Variants in MAPK10 observed in about 807,000 individuals in gnomAD.
The protein encoded by MAPK10 is mitogen-activated protein kinase 10.
In MAPK10, 25 loss-of-function variants were observed where a neutral mutation model predicts 59.3. That is an observed-to-expected ratio of 0.42 (90% CI 0.31 to 0.59). The LOEUF is 0.59. Ranked by LOEUF, MAPK10 falls within the 20% of genes least tolerant of loss-of-function variation. The pLI, the probability that MAPK10 is intolerant of heterozygous loss-of-function variation, is 0.15. For missense variants in MAPK10, 351 were observed against 568.9 expected (o/e 0.62, Z 3.90); for synonymous variants, 190 against 200.5 (o/e 0.95, Z 0.44).
intron 2 of MAPK10, among the ~76,000 whole-genome samples, chr4:86,349,373 T>A (rs1256532347): frequency 6.6e-6 from 1 of 152,200 alleles, no homozygotes; most frequent in Non-Finnish European, 1.5e-5. Context: ...TTTCTGTATA[T>A]CAATCTCTTT....
chr4:86,389,796 C>T (rs991810573), intron 1 of MAPK10, among the ~76,000 whole-genome samples: 6 of 152,062 alleles, frequency 3.9e-5, no homozygotes, highest in African/African-American at 1.2e-4. Context: ...TGTGGAGGTA[C>T]TGGGAGTTAG....
At chr4:86,537,311 C>T (rs554927577) in intron 1 of MAPK10, among the ~76,000 whole-genome samples, 9 of 152,236 alleles carry the variant, frequency 5.9e-5, no homozygotes, top group African/African-American at 2.2e-4. Flanking sequence ...GGCATCAGTG[C>T]AAATGCAGTG....
Position 86,496,753 on chromosome 4 carries a change from CAATT to C in MAPK10, c.-263+97153_-263+97156del, listed in dbSNP as rs1339255553. Among the ~76,000 whole-genome samples the C allele has an allele frequency of 7.9e-5, 12 of 152,250 alleles. No homozygotes were observed. In the East Asian group the frequency reaches 2.3e-3, roughly 29 times the overall value. On this transcript the variant is annotated intron_variant, in intron 1 of 4. Transcript: ENST00000502302. Reference sequence around the variant, plus strand: ...CCAACAAATTTCTATTTTCCGATGACAATTAATTTTTTCTGGTGAGTTAGAGGAG... The same window carrying C: ...CCAACAAATTTCTATTTTCCGATGACAATTTTTTCTGGTGAGTTAGAGGAG...
At chr4:86,285,263 G>T (rs2094957115) in intron 2 of MAPK10, among the ~76,000 whole-genome samples, 1 of 151,898 alleles carries the variant, frequency 6.6e-6, no homozygotes, top group Admixed American at 6.6e-5. Flanking sequence ...TGTTGCCCAG[G>T]CTGGAGTCCA....
chr4:86,049,875 G>A (rs909931942), intron 11 of MAPK10, among the ~76,000 whole-genome samples: 8 of 151,906 alleles, frequency 5.3e-5, no homozygotes, highest in Admixed American at 2.0e-4. Context: ...CCTAAAACAC[G>A]AATCCCATTG....
At chr4:86,088,040 A>T (rs1194548154) in intron 9 of MAPK10, among the ~76,000 whole-genome samples, 1 of 152,180 alleles carries the variant, frequency 6.6e-6, no homozygotes, top group Non-Finnish European at 1.5e-5. Flanking sequence ...CTTTAGTAGG[A>T]TGAAGACATA....
In MAPK10 at chr4:86,194,414, G is replaced by A. The variant is rs1420337539; in HGVS notation, c.-6-7C>T. On this transcript the variant is annotated splice_region_variant and splice_polypyrimidine_tract_variant and intron_variant, in intron 2 of 13. Transcript: ENST00000641462. Reference sequence around the variant, plus strand: ...AATGGAGGCTCATAAATACCTAGAGGAAAAAGAAATGGAGCATAAATTTTC... The same window carrying A: ...AATGGAGGCTCATAAATACCTAGAGAAAAAAGAAATGGAGCATAAATTTTC... 6.6e-7 allele frequency: 1 copy of A among 1,506,208 alleles called. No homozygotes were observed. Among genetic ancestry groups the A allele is most frequent in the African/African-American group, 1.4e-5 (1 of 72,710 alleles). The allele number at this position is 1,506,208 out of a possible 1,614,324, so 93.3% of individuals were successfully genotyped here.
At chr4:86,247,203 T>C (rs2093152157) in intron 2 of MAPK10, among the ~76,000 whole-genome samples, 1 of 152,226 alleles carries the variant, frequency 6.6e-6, no homozygotes, top group African/African-American at 2.4e-5. Flanking sequence ...CTGCTCTGTC[T>C]CTGTCTCTGT....
chr4:86,235,923 G>A (rs546974998), intron 2 of MAPK10, among the ~76,000 whole-genome samples: 4 of 152,140 alleles, frequency 2.6e-5, no homozygotes, highest in Admixed American at 1.3e-4. Flanking sequence ...TCCTGGGATC[G>A]AAAGTCCAAA....
At chr4:86,515,885 GTTT>G (rs56248461) in intron 1 of MAPK10, among the ~76,000 whole-genome samples, 1 of 142,018 alleles carries the variant, frequency 7.0e-6, no homozygotes, top group African/African-American at 2.8e-5. Flanking sequence ...TTTTGTTGTT[GTTT>G]TTTTTTTGTT....
chr4:86,315,160 T>C (rs2095755116), intron 2 of MAPK10, among the ~76,000 whole-genome samples: 1 of 152,070 alleles, frequency 6.6e-6, no homozygotes, highest in Admixed American at 6.6e-5. Context: ...AAACATCACA[T>C]GTTCTTACTT....
At position 86,224,422 on chromosome 4, in the gene MAPK10, G is replaced by C. The variant is rs148821277; in HGVS notation, c.-6-30015C>G. 3.2e-3 allele frequency among the ~76,000 whole-genome samples: 480 copies of C among 152,268 alleles called. 2 individuals carry two copies. The highest frequency in any genetic ancestry group is 0.011 in the African/African-American group (466 of 41,550). On this transcript the variant is annotated intron_variant, in intron 2 of 13. Transcript: ENST00000641462. ...TTAACTGAAAGCTTAAGAATGAGTA[G>C]AAGTGCACTAGGTAAAAAAGGAAGG...
chr4:86,467,948 A>G (rs1455164505), intron 1 of MAPK10, among the ~76,000 whole-genome samples: 3 of 152,226 alleles, frequency 2.0e-5, no homozygotes, highest in Admixed American at 6.5e-5. Context: ...CCTTGCAACG[A>G]GGCCAGATAC....
chr4:86,387,081 A>C (rs920987301), intron 1 of MAPK10, among the ~76,000 whole-genome samples: 1 of 152,230 alleles, frequency 6.6e-6, no homozygotes, highest in Non-Finnish European at 1.5e-5. Context: ...TATGGAAAAG[A>C]CAAATTCTGG....
intron 1 of MAPK10, among the ~76,000 whole-genome samples, chr4:86,394,791 C>T (rs1434017898): frequency 6.6e-6 from 1 of 152,108 alleles, no homozygotes; most frequent in African/African-American, 2.4e-5. Flanking sequence ...GTTTTCCAAA[C>T]GTTAGCAAAT....
At chr4:86,158,253 G>A (rs1364665333) in intron 4 of MAPK10, among the ~76,000 whole-genome samples, 1 of 151,636 alleles carries the variant, frequency 6.6e-6, no homozygotes, top group African/African-American at 2.4e-5. Flanking sequence ...AATGATCAGG[G>A]AAATAGATTC....
chr4:86,440,605 G>A (rs1579230073), intron 1 of MAPK10, among the ~76,000 whole-genome samples: 1 of 150,584 alleles, frequency 6.6e-6, no homozygotes, highest in Middle Eastern at 3.4e-3. Context: ...TCAAGCCTGG[G>A]TGACAGAGCG....
chr4:86,277,359 A>C (rs2094615388), intron 2 of MAPK10: 1 of 152,136 alleles, frequency 6.6e-6, no homozygotes, highest in Admixed American at 6.6e-5. Flanking sequence ...GGGTTTATAG[A>C]CATCATCTGT....
At chr4:86,175,495 T>C (rs1400082710) in intron 3 of MAPK10, among the ~76,000 whole-genome samples, 2 of 152,126 alleles carry the variant, frequency 1.3e-5, no homozygotes, top group Non-Finnish European at 2.9e-5. Context: ...TGGTTTCTCA[T>C]GGTTTAACAC....
Sources: allele counts gnomAD v4.1 joint callset (sites outside exome capture counted in the v4.1 genomes callset), GRCh38; gene constraint gnomAD v4.1.1; transcripts MANE v1.5; gene names NCBI Gene and HGNC (gene_info 2026-07-23, HGNC 2026-07-21).